BMAL2: variants seen among roughly 807,000 people sequenced by gnomAD.
The protein encoded by BMAL2 is basic helix-loop-helix ARNT like 2.
chr12:27,346,930 G>C, the BMAL2 span, among the ~76,000 whole-genome samples: 1 of 152,034 alleles, frequency 6.6e-6, no homozygotes, highest in African/African-American at 2.4e-5. Flanking sequence ...TGTTAAAGCT[G>C]GTTGCTAAAA....
chr12:27,355,467 C>G, the BMAL2 span, among the ~76,000 whole-genome samples: 1 of 152,124 alleles, frequency 6.6e-6, no homozygotes, highest in Non-Finnish European at 1.5e-5. Flanking sequence ...CCAAGTATTC[C>G]ATCCACTTCC....
At chr12:27,372,864 G>A in the BMAL2 span, among the ~76,000 whole-genome samples, 2 of 151,994 alleles carry the variant, frequency 1.3e-5, no homozygotes, top group Non-Finnish European at 2.9e-5. Flanking sequence ...TAGTAGAGAC[G>A]GGATTTGACC....
At chr12:27,378,260 G>T in the BMAL2 span, among the ~76,000 whole-genome samples, 1 of 152,184 alleles carries the variant, frequency 6.6e-6, no homozygotes, top group Non-Finnish European at 1.5e-5. Flanking sequence ...CTCTTGTGAT[G>T]CTTTAAATAA....
chr12:27,401,729 C>A, the BMAL2 span: 8 of 1,285,158 alleles, frequency 6.2e-6, no homozygotes, highest in South Asian at 1.6e-5. Flanking sequence ...AGTCTCTTTG[C>A]TTTTCTCCTC....
At chr12:27,349,692 A>G in the BMAL2 span, among the ~76,000 whole-genome samples, 6 of 152,326 alleles carry the variant, frequency 3.9e-5, no homozygotes, top group East Asian at 9.6e-4. Flanking sequence ...TCTGCCCAAC[A>G]TAAGTTCAGA....
the BMAL2 span, among the ~76,000 whole-genome samples, chr12:27,378,074 A>C: frequency 6.6e-6 from 1 of 152,212 alleles, no homozygotes; most frequent in East Asian, 1.9e-4. Flanking sequence ...AAACTATTCT[A>C]ATAGAGAAAT....
the BMAL2 span, among the ~76,000 whole-genome samples, chr12:27,399,004 T>C: frequency 6.6e-6 from 1 of 152,292 alleles, no homozygotes; most frequent in African/African-American, 2.4e-5. Flanking sequence ...CTCTTTGAAC[T>C]GCCTGGGTTG....
chr12:27,410,366 C>T, the BMAL2 span, among the ~76,000 whole-genome samples: 3 of 152,284 alleles, frequency 2.0e-5, no homozygotes, highest in East Asian at 5.8e-4. Context: ...CAATGATAGA[C>T]TGGATTAAGA....
At chr12:27,377,415 C>T in the BMAL2 span, 1 of 152,250 alleles carries the variant, frequency 6.6e-6, no homozygotes, top group Non-Finnish European at 1.5e-5. Flanking sequence ...TGGGCTTTCT[C>T]CCACCCTGCT....
chr12:27,372,735 G>A, the BMAL2 span, among the ~76,000 whole-genome samples: 1 of 152,014 alleles, frequency 6.6e-6, no homozygotes, highest in Non-Finnish European at 1.5e-5. Flanking sequence ...GTGCAGTGGC[G>A]TGATCTCGGC....
chr12:27,363,740 T>A, the BMAL2 span, among the ~76,000 whole-genome samples: 1 of 152,218 alleles, frequency 6.6e-6, no homozygotes, highest in Non-Finnish European at 1.5e-5. Context: ...GTCTAACAAA[T>A]ATCTTTTCCC....
the BMAL2 span, among the ~76,000 whole-genome samples, chr12:27,336,479 A>G: frequency 0.13 from 19,341 of 151,886 alleles, 1,412 homozygotes; most frequent in Non-Finnish European, 0.17. Context: ...AGCGTGTAGT[A>G]TTTCTAGATA....
chr12:27,403,851 A>T, the BMAL2 span, among the ~76,000 whole-genome samples: 1 of 152,174 alleles, frequency 6.6e-6, no homozygotes, highest in Non-Finnish European at 1.5e-5. Flanking sequence ...CTGTGAATTT[A>T]ATGTGGATCT....
At chr12:27,366,814 G>A in the BMAL2 span, among the ~76,000 whole-genome samples, 4,488 of 152,324 alleles carry the variant, frequency 0.029, 89 homozygotes, top group South Asian at 0.09. Context: ...CAATAGGAGA[G>A]TGGTTAAATA....
At chr12:27,348,819 T>C in the BMAL2 span, among the ~76,000 whole-genome samples, 1 of 152,174 alleles carries the variant, frequency 6.6e-6, no homozygotes, top group Non-Finnish European at 1.5e-5. Context: ...GAACACATGG[T>C]TCCTGCCCTC....
At chr12:27,399,289 G>GC in the BMAL2 span, among the ~76,000 whole-genome samples, 1 of 152,136 alleles carries the variant, frequency 6.6e-6, no homozygotes. Flanking sequence ...ACACCTTTGT[G>GC]CCCCTCCCCT....
At chr12:27,417,580 AATGAG>A in the BMAL2 span, among the ~76,000 whole-genome samples, 1 of 152,148 alleles carries the variant, frequency 6.6e-6, no homozygotes, top group African/African-American at 2.4e-5. Flanking sequence ...GTATCTGAGA[AATGAG>A]ATGAGATGAT....
the BMAL2 span, chr12:27,385,470 T>A: frequency 1.3e-6 from 2 of 1,586,244 alleles, no homozygotes; most frequent in Non-Finnish European, 1.7e-6. Context: ...TCTTGATGCC[T>A]TTCTTTTTAG....
the BMAL2 span, among the ~76,000 whole-genome samples, chr12:27,367,273 A>T: frequency 6.6e-6 from 1 of 152,148 alleles, no homozygotes; most frequent in African/African-American, 2.4e-5. Context: ...TGACATATGC[A>T]GCGTGGATAT....
Sources: gnomAD v4.1 joint callset for allele counts (sites outside exome capture counted in the v4.1 genomes callset) on GRCh38, gnomAD v4.1.1 for gene constraint, MANE v1.5 for transcripts, NCBI Gene and HGNC (gene_info 2026-07-23, HGNC 2026-07-21) for gene names.